GRB10: variants seen among roughly 807,000 people sequenced by gnomAD.
The protein encoded by GRB10 is growth factor receptor-bound protein 10.
In GRB10, 20 loss-of-function variants were observed where a neutral mutation model predicts 80.9. That is an observed-to-expected ratio of 0.25 (90% CI 0.17 to 0.36). The LOEUF (loss-of-function observed/expected upper bound fraction) is 0.36, where lower values mean the gene tolerates loss of function less well. Ranked by LOEUF, GRB10 falls within the 10% of genes least tolerant of loss-of-function variation. The pLI, the probability that GRB10 is intolerant of heterozygous loss-of-function variation, is 1.00. For synonymous variants in GRB10, 291 were observed against 291.5 expected, an observed-to-expected ratio of 1.00 and a Z score of 0.02; for missense variants, 548 against 747.7, an observed-to-expected ratio of 0.73 and a Z score of 3.12.
intron 9 of GRB10, among the ~76,000 whole-genome samples, chr7:50,618,524 A>C (rs76873348): frequency 0.014 from 2,092 of 152,320 alleles, 53 homozygotes; most frequent in African/African-American, 0.047. Flanking sequence ...TGCATTCCCC[A>C]AAAACAGTCT....
chr7:50,622,529 T>C (rs2051980122), intron 8 of GRB10, among the ~76,000 whole-genome samples: 1 of 152,188 alleles, frequency 6.6e-6, no homozygotes, highest in Non-Finnish European at 1.5e-5. Context: ...CTCAAATCCT[T>C]GAAATTTGTA....
At chr7:50,777,488 T>C (rs1324996356) in intron 2 of GRB10, among the ~76,000 whole-genome samples, 1 of 146,570 alleles carries the variant, frequency 6.8e-6, no homozygotes, top group African/African-American at 2.5e-5. Flanking sequence ...ATATACTAAT[T>C]ATAATTGAAT....
chr7:50,732,273 T>C lies in GRB10; in HGVS notation c.50A>G (p.Gln17Arg). 6.2e-7 allele frequency: 1 copy of C among 1,613,928 alleles called. No homozygotes were observed. The highest frequency in any genetic ancestry group is 1.1e-5 in the South Asian group (1 of 91,074). ...TCAGATATATGTGCTCGCCCATACC[T>C]GGTAGTACGGATGGTGCAAAAAGGA... ...PDSFLHHPYY[Q>R]DKVEQTPRSQ... Residue 17 changes from glutamine (Q) to arginine (R), a missense_variant and splice_region_variant, in exon 4 of 19, where the codon CAG becomes CGG. Transcript: ENST00000401949.
chr7:50,613,576 C>G (rs1240645141), intron 12 of GRB10, among the ~76,000 whole-genome samples: 1 of 152,168 alleles, frequency 6.6e-6, no homozygotes, highest in African/African-American at 2.4e-5. Context: ...CTCTCCCTCC[C>G]AAGAATCTGG....
intron 4 of GRB10, among the ~76,000 whole-genome samples, chr7:50,718,060 C>T (rs2067159669): frequency 6.6e-6 from 1 of 152,236 alleles, no homozygotes; most frequent in African/African-American, 2.4e-5. Context: ...TCGGCCCAGA[C>T]AATTCCAGCC....
At chr7:50,596,777 G>A (rs2046733638) in intron 17 of GRB10, among the ~76,000 whole-genome samples, 1 of 152,196 alleles carries the variant, frequency 6.6e-6, no homozygotes, top group South Asian at 2.1e-4. Context: ...AAGGGTATCT[G>A]GGCGAAGTGT....
intron 5 of GRB10, among the ~76,000 whole-genome samples, chr7:50,682,520 C>T (rs893702085): frequency 3.3e-5 from 5 of 152,298 alleles, no homozygotes; most frequent in South Asian, 2.1e-4. Context: ...CAACATCACC[C>T]GAACAAAGGG....
chr7:50,741,872 A>G (rs2071823799), intron 3 of GRB10, among the ~76,000 whole-genome samples: 1 of 152,188 alleles, frequency 6.6e-6, no homozygotes, highest in Non-Finnish European at 1.5e-5. Context: ...ATAATAAAAG[A>G]CAAATCTCTT....
At chr7:50,783,436 T>TCACACACACACACACCTCACA (rs10647493), upstream of GRB10, among the ~76,000 whole-genome samples, 2 of 150,230 alleles carry the variant, frequency 1.3e-5, no homozygotes, top group African/African-American at 4.9e-5. Context: ...CACACACACC[T>TCACACACACACACACCTCACA]CACACACACA....
intron 4 of GRB10, among the ~76,000 whole-genome samples, chr7:50,708,150 T>C (rs994865214): frequency 4.6e-5 from 7 of 152,252 alleles, no homozygotes; most frequent in African/African-American, 1.7e-4. Flanking sequence ...AGATACTATA[T>C]TTTATCTTGC....
At chr7:50,746,899 T>C (rs6945302) in intron 3 of GRB10, among the ~76,000 whole-genome samples, 133,274 of 152,184 alleles carry the variant, frequency 0.88, 58,434 homozygotes, top group East Asian at 0.96. Context: ...CTCCCTTGGG[T>C]CCATGAACAT....
chr7:50,671,092 T>C (rs117989467), intron 6 of GRB10, among the ~76,000 whole-genome samples: 256 of 152,282 alleles, frequency 1.7e-3, no homozygotes, highest in South Asian at 3.5e-3. Context: ...CTCCCCTCTG[T>C]AGAGTAACTT....
intron 8 of GRB10, among the ~76,000 whole-genome samples, chr7:50,622,112 G>A (rs543516730): frequency 3.3e-5 from 5 of 152,234 alleles, no homozygotes; most frequent in African/African-American, 1.2e-4. Flanking sequence ...GAAAAGAGCT[G>A]TCAGCAAGCT....
chr7:50,629,929 C>T (rs2053697622), intron 7 of GRB10, among the ~76,000 whole-genome samples: 1 of 152,224 alleles, frequency 6.6e-6, no homozygotes, highest in African/African-American at 2.4e-5. Flanking sequence ...CCTTGTCCCG[C>T]AGCAACTCAC....
At chr7:50,772,183 C>T (rs1212917275) in intron 2 of GRB10, among the ~76,000 whole-genome samples, 4 of 152,148 alleles carry the variant, frequency 2.6e-5, no homozygotes, top group African/African-American at 4.8e-5. Context: ...ACCCCCCTTG[C>T]CTCTGAAAGA....
At chr7:50,789,810 C>G (rs1052830019) in intron 1 of GRB10, among the ~76,000 whole-genome samples, 1 of 152,108 alleles carries the variant, frequency 6.6e-6, no homozygotes, top group Admixed American at 6.5e-5. Context: ...AAATCAGAAC[C>G]ACTCATTTCT....
chr7:50,627,648 C>T (rs2053183314), intron 7 of GRB10, among the ~76,000 whole-genome samples: 1 of 152,220 alleles, frequency 6.6e-6, no homozygotes, highest in South Asian at 2.1e-4. Flanking sequence ...CGAGCAGCTC[C>T]AGGCCAAGGG....
At chr7:50,598,012 C>T (rs1217165377) in intron 17 of GRB10, among the ~76,000 whole-genome samples, 6 of 150,502 alleles carry the variant, frequency 4.0e-5, no homozygotes, top group African/African-American at 1.0e-4. Context: ...TACAGGTGCC[C>T]GCCACCACAC....
intron 15 of GRB10, among the ~76,000 whole-genome samples, 171 bp from the exon 16 acceptor site, chr7:50,604,548 C>G (rs1300722340): frequency 6.6e-6 from 1 of 152,144 alleles, no homozygotes; most frequent in Non-Finnish European, 1.5e-5. Flanking sequence ...GCTCAGGGTT[C>G]CCAGTTGTTA....
Sources: gnomAD v4.1 joint callset for allele counts (sites outside exome capture counted in the v4.1 genomes callset) on GRCh38, gnomAD v4.1.1 for gene constraint, MANE v1.5 for transcripts, NCBI Gene and HGNC (gene_info 2026-07-23, HGNC 2026-07-21) for gene names.